The following ATP10B variants were observed in gnomAD, a reference collection of about 807,000 sequenced individuals.
ATP10B encodes the protein phospholipid-transporting ATPase VB.
A neutral mutation model predicts 141.2 loss-of-function variants in ATP10B; 122 were observed. The observed-to-expected ratio is 0.86, with a 90% CI of 0.75 to 1.00. The LOEUF is 1.00. Among genes scored for constraint, ATP10B ranks in the 50% least tolerant of loss-of-function variants. The pLI, the probability that ATP10B is intolerant of heterozygous loss-of-function variation, is 0.00. For synonymous variants in ATP10B, 685 were observed against 692.0 expected (o/e 0.99, Z 0.16); for missense variants, 1,876 against 1,825.3 (o/e 1.03, Z -0.51).
intron 8 of ATP10B, among the ~76,000 whole-genome samples, chr5:160,645,134 A>AG (rs1404013939): frequency 7.0e-6 from 1 of 142,220 alleles, no homozygotes; most frequent in East Asian, 2.0e-4. Flanking sequence ...AAAAAAAAAA[A>AG]GGGCAAGGGG....
chr5:160,795,504 A>G (rs991401625), intron 1 of ATP10B, among the ~76,000 whole-genome samples: 4 of 152,114 alleles, frequency 2.6e-5, no homozygotes, highest in Non-Finnish European at 4.4e-5. Context: ...GATAGTCACA[A>G]TGAATAGGGG....
chr5:160,722,094 C>T (rs1766036384), intron 2 of ATP10B, among the ~76,000 whole-genome samples: 1 of 152,156 alleles, frequency 6.6e-6, no homozygotes, highest in Non-Finnish European at 1.5e-5. Flanking sequence ...AAGTATTTGT[C>T]ATAAGTGGCT....
At chr5:160,755,899 G>A (rs1253365689) in intron 2 of ATP10B, among the ~76,000 whole-genome samples, 1 of 131,922 alleles carries the variant, frequency 7.6e-6, no homozygotes, top group Non-Finnish European at 1.6e-5. Flanking sequence ...TGGAACCACT[G>A]TCATATATGT....
chr5:160,757,171 T>C (rs1314953168), intron 2 of ATP10B, among the ~76,000 whole-genome samples: 1 of 152,222 alleles, frequency 6.6e-6, no homozygotes, highest in Admixed American at 6.5e-5. Context: ...ACTATTCAAT[T>C]GTTTCAACAT....
chr5:160,763,410 C>T (rs950700045), intron 2 of ATP10B, among the ~76,000 whole-genome samples: 4 of 152,072 alleles, frequency 2.6e-5, no homozygotes, highest in African/African-American at 9.7e-5. Flanking sequence ...CCAAGACGAA[C>T]CTTCAAAACT....
intron 1 of ATP10B, among the ~76,000 whole-genome samples, chr5:160,823,436 C>T (rs1159431065): frequency 2.6e-5 from 4 of 152,064 alleles, no homozygotes; most frequent in Non-Finnish European, 4.4e-5. Context: ...CTTATACATG[C>T]TAGACTTAAT....
At chr5:160,618,202 G>A (rs1324286219) in intron 15 of ATP10B, among the ~76,000 whole-genome samples, 1 of 152,202 alleles carries the variant, frequency 6.6e-6, no homozygotes, top group African/African-American at 2.4e-5. Context: ...CAAAAGCCTG[G>A]CTGAGTAAAG....
At chr5:160,916,862 T>A in the ATP10B span, among the ~76,000 whole-genome samples, 1 of 152,184 alleles carries the variant, frequency 6.6e-6, no homozygotes, top group African/African-American at 2.4e-5. Flanking sequence ...CCTTATCACA[T>A]TCCTTTGGAC....
intron 8 of ATP10B, 30 bp from the exon 9 acceptor site, chr5:160,644,274 G>T (rs2127680269): frequency 1.3e-6 from 2 of 1,558,014 alleles, no homozygotes; most frequent in South Asian, 1.1e-5. Context: ...GACAGGGGGT[G>T]GTTTGGTGGC....
At chr5:160,598,064 T>G (rs1756838958) in intron 22 of ATP10B, among the ~76,000 whole-genome samples, 2 of 137,912 alleles carry the variant, frequency 1.5e-5, no homozygotes, top group African/African-American at 5.3e-5. Flanking sequence ...CTATAAATCA[T>G]GCTGCTATAA....
At chr5:160,892,287 C>T in the ATP10B span, among the ~76,000 whole-genome samples, 1 of 152,186 alleles carries the variant, frequency 6.6e-6, no homozygotes, top group Non-Finnish European at 1.5e-5. Context: ...ATTTCACCTG[C>T]TCCAGCCATG....
chr5:160,657,070 A>T (rs1247897238), intron 7 of ATP10B, among the ~76,000 whole-genome samples: 1 of 152,206 alleles, frequency 6.6e-6, no homozygotes, highest in Non-Finnish European at 1.5e-5. Context: ...TGGACTGCTC[A>T]GCTGACTGTG....
intron 9 of ATP10B, among the ~76,000 whole-genome samples, chr5:160,642,540 A>T (rs954037582): frequency 6.6e-6 from 1 of 152,130 alleles, no homozygotes; most frequent in Non-Finnish European, 1.5e-5. Context: ...GGGGGGTGCT[A>T]ATGCATCTTG....
chr5:160,675,204 C>T (rs1031190494), intron 6 of ATP10B, among the ~76,000 whole-genome samples: 6 of 152,224 alleles, frequency 3.9e-5, no homozygotes, highest in African/African-American at 1.4e-4. Flanking sequence ...GAAACATCCA[C>T]ACACCCTGGA....
At chr5:160,926,556 A>C in the ATP10B span, among the ~76,000 whole-genome samples, 1 of 152,262 alleles carries the variant, frequency 6.6e-6, no homozygotes, top group South Asian at 2.1e-4. Context: ...CTCTTAAATC[A>C]AACAGACAGG....
chr5:160,874,068 C>T, the ATP10B span, among the ~76,000 whole-genome samples: 1 of 152,092 alleles, frequency 6.6e-6, no homozygotes, highest in African/African-American at 2.4e-5. Context: ...CTGTAGGCTC[C>T]ACCACTGGGG....
intron 24 of ATP10B, among the ~76,000 whole-genome samples, chr5:160,581,300 T>C (rs2127601687): frequency 6.6e-6 from 1 of 152,346 alleles, no homozygotes; most frequent in South Asian, 2.1e-4. Flanking sequence ...GCTATAAACG[T>C]CCCTCTAAAC....
intron 1 of ATP10B, among the ~76,000 whole-genome samples, chr5:160,851,292 T>TA (rs1248354752): frequency 2.0e-5 from 3 of 152,208 alleles, no homozygotes; most frequent in African/African-American, 4.8e-5. Context: ...GGGTTAGGGA[T>TA]AGTGTCACTC....
chr5:160,570,228 A>G (rs1421659), intron 24 of ATP10B, among the ~76,000 whole-genome samples: 56,702 of 151,778 alleles, frequency 0.37, 11,170 homozygotes, highest in African/African-American at 0.48. Context: ...GGGTACATGT[A>G]ATAATTTGGT....
Sources: gnomAD v4.1 joint callset for allele counts (sites outside exome capture counted in the v4.1 genomes callset) on GRCh38, gnomAD v4.1.1 for gene constraint, MANE v1.5 for transcripts, NCBI Gene and HGNC (gene_info 2026-07-23, HGNC 2026-07-21) for gene names.